The following KIAA0825 variants were observed in gnomAD, a reference collection of about 807,000 sequenced individuals.
The protein encoded by KIAA0825 is KIAA0825.
A neutral mutation model predicts 147.6 loss-of-function variants in KIAA0825; 119 were observed. The ratio of observed to expected loss-of-function variants is 0.81; its 90% CI spans 0.69 to 0.94. The LOEUF is 0.94. KIAA0825 is among the 40% of genes least tolerant of loss of function. KIAA0825 has a pLI of 0.00. For missense variants in KIAA0825, 1,381 were observed against 1,472.7 expected (o/e 0.94, Z 1.02); for synonymous variants, 470 against 518.1 (o/e 0.91, Z 1.26).
At position 94,406,228 on chromosome 5, in the gene KIAA0825, C is replaced by T. The variant is rs112386006; in HGVS notation, c.2663-2435G>A. On this transcript the variant is annotated intron_variant, in intron 15 of 20. Transcript: ENST00000682413. Reference sequence around the variant, plus strand: ...GCGTGAGCCACTGAGCCTGGCCTACCGCTGTATTTAAACAGTCCTCTATAA... The same window carrying T: ...GCGTGAGCCACTGAGCCTGGCCTACTGCTGTATTTAAACAGTCCTCTATAA... Among the ~76,000 whole-genome samples, 952 of 152,188 alleles carry T rather than the reference C, an allele frequency of 6.3e-3. 11 individuals are homozygous for T. Among genetic ancestry groups the T allele is most frequent in the African/African-American group, 0.02 (823 of 41,534 alleles).
intron 12 of KIAA0825, 117 bp from the exon 13 acceptor site, chr5:94,453,186 G>C (rs1562511707): frequency 1.6e-6 from 1 of 637,830 alleles, no homozygotes; most frequent in African/African-American, 2.0e-5. Context: ...TTGTTTCTTT[G>C]TTTGGAGACA....
chr5:94,560,265 C>G (rs1018908098), intron 2 of KIAA0825, among the ~76,000 whole-genome samples: 1 of 152,130 alleles, frequency 6.6e-6, no homozygotes, highest in Non-Finnish European at 1.5e-5. Context: ...AAAATAAATT[C>G]ATGTGTCTTT....
intron 20 of KIAA0825, among the ~76,000 whole-genome samples, chr5:94,237,576 C>T (rs1775120866): frequency 6.6e-6 from 1 of 152,134 alleles, no homozygotes; most frequent in African/African-American, 2.4e-5. Flanking sequence ...CTCTTACTCG[C>T]TTGGTTTCTA....
chr5:94,495,557 T>C (rs1051435554), intron 5 of KIAA0825, among the ~76,000 whole-genome samples: 1 of 152,158 alleles, frequency 6.6e-6, no homozygotes, highest in Non-Finnish European at 1.5e-5. Flanking sequence ...CAGAGTCAGA[T>C]CTGAAAGCAG....
At chr5:94,395,825 G>A (rs998417834) in intron 17 of KIAA0825, among the ~76,000 whole-genome samples, 1 of 152,052 alleles carries the variant, frequency 6.6e-6, no homozygotes, top group Non-Finnish European at 1.5e-5. Context: ...ATTCTCCTGG[G>A]TTTAACTACC....
At chr5:94,302,605 CA>C (rs1440169333) in intron 20 of KIAA0825, among the ~76,000 whole-genome samples, 5 of 152,056 alleles carry the variant, frequency 3.3e-5, no homozygotes, top group East Asian at 1.9e-4. Flanking sequence ...TGGATAAAGA[CA>C]TTTTTTTCTC....
At chr5:94,467,064 A>C (rs1156501363) in intron 10 of KIAA0825, among the ~76,000 whole-genome samples, 1 of 152,208 alleles carries the variant, frequency 6.6e-6, no homozygotes, top group Non-Finnish European at 1.5e-5. Flanking sequence ...GCTACCATTT[A>C]GTGATAAATG....
At chr5:94,314,967 C>G (rs969065675) in intron 20 of KIAA0825, among the ~76,000 whole-genome samples, 24 of 151,514 alleles carry the variant, frequency 1.6e-4, no homozygotes, top group African/African-American at 5.6e-4. Flanking sequence ...ACGTTGCTCT[C>G]TCTCTCATTG....
chr5:94,327,045 T>C (rs944699490), intron 20 of KIAA0825, among the ~76,000 whole-genome samples: 1 of 152,210 alleles, frequency 6.6e-6, no homozygotes, highest in Non-Finnish European at 1.5e-5. Flanking sequence ...CTAAGTGGTC[T>C]ATATAGAAGC....
intron 20 of KIAA0825, among the ~76,000 whole-genome samples, chr5:94,233,485 A>T (rs931343426): frequency 6.6e-6 from 1 of 152,210 alleles, no homozygotes; most frequent in Non-Finnish European, 1.5e-5. Context: ...CACTTCAAGG[A>T]TCCTTAATTT....
At chr5:94,210,499 G>C (rs1772608480) in intron 20 of KIAA0825, among the ~76,000 whole-genome samples, 1 of 152,118 alleles carries the variant, frequency 6.6e-6, no homozygotes, top group Admixed American at 6.6e-5. Context: ...TCTTATGTCT[G>C]GCACTTTTGA....
At chr5:94,223,811 A>G (rs1583899456) in intron 20 of KIAA0825, among the ~76,000 whole-genome samples, 1 of 152,284 alleles carries the variant, frequency 6.6e-6, no homozygotes, top group African/African-American at 2.4e-5. Flanking sequence ...TCTTGTAGAA[A>G]TATGAATGTT....
chr5:94,592,065 C>T (rs898975517), intron 1 of KIAA0825, among the ~76,000 whole-genome samples: 1 of 152,158 alleles, frequency 6.6e-6, no homozygotes, highest in Non-Finnish European at 1.5e-5. Context: ...TATCATTCTG[C>T]CCCTGGCCCC....
chr5:94,175,085 A>G (rs1768967261), intron 20 of KIAA0825, among the ~76,000 whole-genome samples: 1 of 152,320 alleles, frequency 6.6e-6, no homozygotes, highest in Non-Finnish European at 1.5e-5. Flanking sequence ...GCAGAATTGC[A>G]TGGAGCAAAT....
chr5:94,262,617 A>C (rs115201740), intron 20 of KIAA0825, among the ~76,000 whole-genome samples: 175 of 152,322 alleles, frequency 1.1e-3, no homozygotes, highest in African/African-American at 4.0e-3. Flanking sequence ...AGTAAGATGG[A>C]TCTTCATGTA....
intron 3 of KIAA0825, among the ~76,000 whole-genome samples, chr5:94,530,632 C>T (rs942639663): frequency 3.3e-5 from 5 of 152,158 alleles, no homozygotes; most frequent in African/African-American, 1.2e-4. Flanking sequence ...TCAGCTGAGG[C>T]CATGACAAGG....
At chr5:94,473,205 T>G (rs1761437637) in intron 8 of KIAA0825, 87 bp downstream of exon 8, 1 of 1,022,244 alleles carries the variant, frequency 9.8e-7, no homozygotes, top group African/African-American at 1.6e-5. Context: ...CTCCACCATT[T>G]GATCTACAGG....
At chr5:94,399,352 C>A (rs1412393691) in intron 16 of KIAA0825, among the ~76,000 whole-genome samples, 1 of 152,048 alleles carries the variant, frequency 6.6e-6, no homozygotes, top group Non-Finnish European at 1.5e-5. Context: ...AGATACTGAG[C>A]AAATATTTGA....
chr5:94,205,459 T>A (rs1476501893), intron 20 of KIAA0825, among the ~76,000 whole-genome samples: 1 of 151,116 alleles, frequency 6.6e-6, no homozygotes, highest in Non-Finnish European at 1.5e-5. Context: ...CCACCACCAC[T>A]TTTTTATATT....
Sources: allele counts gnomAD v4.1 joint callset (sites outside exome capture counted in the v4.1 genomes callset), GRCh38; gene constraint gnomAD v4.1.1; transcripts MANE v1.5; gene names NCBI Gene and HGNC (gene_info 2026-07-23, HGNC 2026-07-21).